Variants in BABAM2 observed in about 807,000 individuals in gnomAD.
The protein encoded by BABAM2 is BRISC and BRCA1 A complex member 2.
Under a neutral mutation model 54.7 loss-of-function variants are expected in BABAM2, and 31 were observed. That is an observed-to-expected ratio of 0.57 (90% CI 0.43 to 0.77). The LOEUF (loss-of-function observed/expected upper bound fraction) is 0.77, where lower values mean the gene tolerates loss of function less well. BABAM2 is among the 30% of genes least tolerant of loss of function. The pLI is 0.00. For synonymous variants in BABAM2, 167 were observed against 162.9 expected (o/e 1.03, Z -0.19); for missense variants, 364 against 455.8 (o/e 0.80, Z 1.83).
chr2:28,181,724 A>G (rs1675646397), intron 7 of BABAM2, among the ~76,000 whole-genome samples: 1 of 152,132 alleles, frequency 6.6e-6, no homozygotes, highest in Admixed American at 6.5e-5. Context: ...AGTTTTTGCC[A>G]TTGAAAGTAA....
At chr2:28,036,612 G>A (rs1428582921) in intron 5 of BABAM2, among the ~76,000 whole-genome samples, 1 of 152,138 alleles carries the variant, frequency 6.6e-6, no homozygotes, top group Non-Finnish European at 1.5e-5. Context: ...CAAATAGAAA[G>A]GAAAATGAAG....
intron 3 of BABAM2, among the ~76,000 whole-genome samples, chr2:27,974,986 A>G (rs1484841151): frequency 6.6e-6 from 1 of 152,012 alleles, no homozygotes; most frequent in Non-Finnish European, 1.5e-5. Context: ...ACCAATTATA[A>G]TACCTTCCTG....
chr2:28,087,306 A>G (rs1227374125), intron 6 of BABAM2, among the ~76,000 whole-genome samples: 1 of 152,172 alleles, frequency 6.6e-6, no homozygotes, highest in African/African-American at 2.4e-5. Context: ...TACCACAAGA[A>G]AAAAGCTGGA....
At chr2:28,115,322 A>G (rs1178003557) in intron 6 of BABAM2, among the ~76,000 whole-genome samples, 1 of 152,226 alleles carries the variant, frequency 6.6e-6, no homozygotes, top group East Asian at 1.9e-4. Flanking sequence ...AGGAAGTCTC[A>G]TGAGAGGATA....
intron 4 of BABAM2, among the ~76,000 whole-genome samples, chr2:28,005,808 T>C (rs1304865988): frequency 1.3e-5 from 2 of 152,130 alleles, no homozygotes; most frequent in Admixed American, 1.3e-4. Flanking sequence ...CACGTCATAA[T>C]CTTGTTTCAT....
intron 10 of BABAM2, among the ~76,000 whole-genome samples, chr2:28,274,888 A>G (rs1023798192): frequency 5.3e-5 from 8 of 152,180 alleles, no homozygotes; most frequent in Non-Finnish European, 1.0e-4. Context: ...TGTAACATCA[A>G]CTTTGTGGGC....
At chr2:28,335,186 C>T in intron 11 of BABAM2, among the ~76,000 whole-genome samples, 1 of 95,964 alleles carries the variant, frequency 1.0e-5, no homozygotes, top group East Asian at 2.9e-4. Flanking sequence ...TTTTTTGAGA[C>T]AGAGTCTGGC....
chr2:27,917,490 T>C (rs761950927), intron 2 of BABAM2, among the ~76,000 whole-genome samples: 3 of 152,132 alleles, frequency 2.0e-5, no homozygotes, highest in Non-Finnish European at 2.9e-5. Context: ...CCGTTCCTCA[T>C]AGATGATGCC....
chr2:28,123,327 G>A (rs28513729), intron 6 of BABAM2, among the ~76,000 whole-genome samples: 16,562 of 152,100 alleles, frequency 0.11, 1,397 homozygotes, highest in African/African-American at 0.23. Context: ...TTGCTTTACC[G>A]TACGTGTGTC....
intron 3 of BABAM2, among the ~76,000 whole-genome samples, chr2:27,980,831 G>A (rs967734593): frequency 2.0e-5 from 3 of 151,864 alleles, no homozygotes; most frequent in Non-Finnish European, 2.9e-5. Flanking sequence ...CTAGTGTTTG[G>A]CAGCACAATA....
At chr2:27,984,960 C>G (rs1672295068) in intron 3 of BABAM2, among the ~76,000 whole-genome samples, 1 of 151,938 alleles carries the variant, frequency 6.6e-6, no homozygotes, top group African/African-American at 2.4e-5. Flanking sequence ...TTTTCCATTC[C>G]TGAGTTACTT....
chr2:28,040,961 G>A (rs1558679982), intron 5 of BABAM2, among the ~76,000 whole-genome samples: 1 of 152,172 alleles, frequency 6.6e-6, no homozygotes, highest in Non-Finnish European at 1.5e-5. Context: ...TCATCTAAGA[G>A]TTTTTAAAAG....
chr2:28,191,801 C>T (rs1676940975), intron 7 of BABAM2, among the ~76,000 whole-genome samples: 1 of 152,080 alleles, frequency 6.6e-6, no homozygotes, highest in Non-Finnish European at 1.5e-5. Context: ...TAAGAGGAAA[C>T]TTAGGAAGAC....
chr2:28,153,857 C>T (rs1306589225), intron 7 of BABAM2, among the ~76,000 whole-genome samples: 5 of 152,142 alleles, frequency 3.3e-5, no homozygotes, highest in South Asian at 2.1e-4. Context: ...TAATTTTCTC[C>T]GGGACATGCA....
At chr2:27,970,698 A>G (rs1277884140) in intron 3 of BABAM2, among the ~76,000 whole-genome samples, 1 of 152,154 alleles carries the variant, frequency 6.6e-6, no homozygotes, top group Non-Finnish European at 1.5e-5. Flanking sequence ...TTGTCCATTA[A>G]TATCCTTTTA....
intron 6 of BABAM2, among the ~76,000 whole-genome samples, chr2:28,109,669 A>G (rs1667834102): frequency 6.6e-6 from 1 of 152,162 alleles, no homozygotes; most frequent in Admixed American, 6.5e-5. Flanking sequence ...CCCAAAGGGG[A>G]TAGTCTCGCC....
At chr2:27,888,843 T>C (rs904489918), upstream of BABAM2, among the ~76,000 whole-genome samples, 1 of 152,196 alleles carries the variant, frequency 6.6e-6, no homozygotes, top group Admixed American at 6.5e-5. Context: ...AAATATTTAC[T>C]ATCTGGCCCT....
chr2:28,275,319 A>G (rs894690447), intron 10 of BABAM2, among the ~76,000 whole-genome samples: 5 of 152,240 alleles, frequency 3.3e-5, no homozygotes, highest in African/African-American at 1.2e-4. Flanking sequence ...AAATCCTTCT[A>G]GTCCACTTTG....
chr2:27,916,258 A>C (rs1377097753), intron 2 of BABAM2, among the ~76,000 whole-genome samples: 3 of 150,552 alleles, frequency 2.0e-5, no homozygotes, highest in Non-Finnish European at 4.4e-5. Context: ...CATGTTTTGG[A>C]TCAAGGCATA....
Sources: allele counts gnomAD v4.1 joint callset (sites outside exome capture counted in the v4.1 genomes callset), GRCh38; gene constraint gnomAD v4.1.1; transcripts MANE v1.5; gene names NCBI Gene and HGNC (gene_info 2026-07-23, HGNC 2026-07-21).